The following PCDHA12 variants were observed in gnomAD, a reference collection of about 807,000 sequenced individuals.
PCDHA12 encodes the protein protocadherin alpha 12.
A neutral mutation model predicts 60.0 loss-of-function variants in PCDHA12; 44 were observed. That is an observed-to-expected ratio of 0.73 (90% CI 0.58 to 0.94). PCDHA12 has a LOEUF of 0.94. PCDHA12 is among the 40% of genes least tolerant of loss of function. The pLI, the probability that PCDHA12 is intolerant of heterozygous loss-of-function variation, is 0.00. For missense variants in PCDHA12, 1,276 were observed against 1,239.7 expected (o/e 1.03, Z -0.44); for synonymous variants, 569 against 553.0 (o/e 1.03, Z -0.40).
At chr5:140,890,747 G>C (rs2062780711) in intron 1 of PCDHA12, among the ~76,000 whole-genome samples, 1 of 152,024 alleles carries the variant, frequency 6.6e-6, no homozygotes, top group African/African-American at 2.4e-5. Context: ...TACTATTTCT[G>C]TCATGCTTTA....
chr5:140,952,334 A>G (rs1585456390), intron 1 of PCDHA12, among the ~76,000 whole-genome samples: 1 of 103,312 alleles, frequency 9.7e-6, no homozygotes, highest in East Asian at 2.9e-4. Context: ...GTGAAACTCC[A>G]TCTCAAAAAA....
intron 1 of PCDHA12, among the ~76,000 whole-genome samples, chr5:140,932,569 C>T (rs58622542): frequency 0.013 from 2,018 of 151,826 alleles, 38 homozygotes; most frequent in African/African-American, 0.046. Flanking sequence ...GTAGACTTTC[C>T]CATAGGGTAA....
chr5:140,986,114 T>A (rs1465954606), intron 3 of PCDHA12, among the ~76,000 whole-genome samples: 1 of 152,168 alleles, frequency 6.6e-6, no homozygotes, highest in Non-Finnish European at 1.5e-5. Flanking sequence ...AAGATAAAGA[T>A]GCCACACTCT....
chr5:141,003,648 G>A lies in PCDHA12; in HGVS notation c.2516-5979G>A, dbSNP rs1314983871. On this transcript the variant is annotated intron_variant, in intron 3 of 3. Transcript: ENST00000398631. ...GTTTTTAAAGTAGAAGTGAAGATCTGTATGCATTTATTAAAATATATGTTG... is the reference window on the plus strand; with the variant it reads ...GTTTTTAAAGTAGAAGTGAAGATCTATATGCATTTATTAAAATATATGTTG... Among the ~76,000 whole-genome samples the A allele has an allele frequency of 3.3e-5, 5 of 152,226 alleles. No individual in the cohort carries two copies. In the South Asian group the frequency reaches 6.2e-4, roughly 19 times the overall value.
rs1464673358 is a variant in PCDHA12 at position 140,894,228 on chromosome 5, A to T, written c.2367+16389A>T. 2.6e-5 allele frequency among the ~76,000 whole-genome samples: 4 copies of T among 152,088 alleles called. No homozygotes were observed. In the South Asian group the frequency reaches 8.3e-4, roughly 31 times the overall value. ...TTATATTCTCATTTTAAAGATGTTG[A>T]ATGACAATGTAATTTTCTTTTCTTT... is the stretch of plus-strand genomic sequence containing the variant. On this transcript the variant is annotated intron_variant, in intron 1 of 3. Transcript: ENST00000398631.
At chr5:140,903,942 A>G (rs1279645269) in intron 1 of PCDHA12, among the ~76,000 whole-genome samples, 5 of 152,212 alleles carry the variant, frequency 3.3e-5, no homozygotes, top group African/African-American at 1.2e-4. Flanking sequence ...TACCTCTTAA[A>G]TACTGGAAAA....
At chr5:140,973,398 C>G (rs2096585734) in intron 1 of PCDHA12, among the ~76,000 whole-genome samples, 1 of 152,230 alleles carries the variant, frequency 6.6e-6, no homozygotes, top group East Asian at 1.9e-4. Flanking sequence ...GAAATCATAT[C>G]TATGAGCTTC....
chr5:140,894,997 T>G (rs566489828), intron 1 of PCDHA12, among the ~76,000 whole-genome samples: 15 of 152,296 alleles, frequency 9.8e-5, no homozygotes, highest in African/African-American at 3.6e-4. Flanking sequence ...TCCTTTACCC[T>G]TTTTACTTGG....
chr5:140,952,327 A>G (rs1407008388), intron 1 of PCDHA12, among the ~76,000 whole-genome samples: 2 of 134,678 alleles, frequency 1.5e-5, no homozygotes, highest in Non-Finnish European at 1.6e-5. Flanking sequence ...AACAAGAGTG[A>G]AACTCCATCT....
In PCDHA12 at chr5:141,011,714, C is replaced by G. The variant is rs2098421596; in HGVS notation, c.*1777C>G. On this transcript the variant is annotated 3_prime_UTR_variant, in exon 4 of 4. Transcript: ENST00000398631. ...TTTTGGAATGAATACTGACAATATT[C>G]CATGAGGGTGTGCAAGCACAAATTT... 1 of 153,650 alleles carries G rather than the reference C, an allele frequency of 6.5e-6. No individual in the cohort carries two copies. Among genetic ancestry groups the G allele is most frequent in the South Asian group, 2.1e-4 (1 of 4,822 alleles). 9.5% of individuals were successfully genotyped at this position (153,650 alleles called of 1,614,324 possible).
chr5:141,011,626 C>T lies in PCDHA12; in HGVS notation c.*1689C>T, dbSNP rs1340546254. 6.5e-6 allele frequency: 1 copy of T among 153,668 alleles called. No individual in the cohort carries two copies. Among genetic ancestry groups the T allele is most frequent in the Non-Finnish European group, 1.5e-5 (1 of 68,026 alleles). The allele number at this position is 153,668 out of a possible 1,614,324, so 9.5% of individuals were successfully genotyped here. On this transcript the variant is annotated 3_prime_UTR_variant, in exon 4 of 4. Transcript: ENST00000398631. Reference sequence around the variant, plus strand: ...ATTTTATTTATGGTCCAGCCAAGAGCCATCTCGTGCCAAGACTTCTGCTGG... The same window carrying T: ...ATTTTATTTATGGTCCAGCCAAGAGTCATCTCGTGCCAAGACTTCTGCTGG...
chr5:140,935,550 C>G (rs1419018426), intron 1 of PCDHA12, among the ~76,000 whole-genome samples: 2 of 152,156 alleles, frequency 1.3e-5, no homozygotes, highest in African/African-American at 4.8e-5. Flanking sequence ...TTTAAAGTAT[C>G]TTGGAAAAGT....
intron 2 of PCDHA12, among the ~76,000 whole-genome samples, chr5:140,979,721 C>T (rs2153819868): frequency 6.6e-6 from 1 of 152,290 alleles, no homozygotes; most frequent in East Asian, 1.9e-4. Context: ...GTATCCATGC[C>T]ATGGGGCCAA....
rs146952531 is a variant in PCDHA12 at position 140,951,754 on chromosome 5, G to A, written c.2368-27195G>A. Among the ~76,000 whole-genome samples the A allele has an allele frequency of 4.6e-3, 703 of 152,152 alleles. 3 individuals are homozygous for A. The highest frequency in any genetic ancestry group is 0.016 in the African/African-American group (681 of 41,502). ...TTCTGCCACTGCCCTCACCCTCCGC[G>A]AAATCTCATGACGTTCTTACATTGC... On this transcript the variant is annotated intron_variant, in intron 1 of 3. Transcript: ENST00000398631.
rs56843453 is a variant in PCDHA12 at position 141,000,391 on chromosome 5, C to A, written c.2516-9236C>A. Reference sequence around the variant, plus strand: ...TCTCTCTCTCTCTCTCTCTCTCTCTCTCTCTATATATATATATATATATAT... The same window carrying A: ...TCTCTCTCTCTCTCTCTCTCTCTCTATCTCTATATATATATATATATATAT... On this transcript the variant is annotated intron_variant, in intron 3 of 3. Transcript: ENST00000398631. Among the ~76,000 whole-genome samples the A allele has an allele frequency of 8.6e-3, 487 of 56,544 alleles. 1 individual carries two copies. Among genetic ancestry groups the A allele is most frequent in the Non-Finnish European group, 9.4e-3 (310 of 32,842 alleles). The allele number at this position is 56,544 out of a possible 152,430, so 37.1% of individuals were successfully genotyped here.
chr5:140,944,807 A>T (rs1472832230), intron 1 of PCDHA12, among the ~76,000 whole-genome samples: 1 of 152,214 alleles, frequency 6.6e-6, no homozygotes, highest in Non-Finnish European at 1.5e-5. Context: ...TCGAGGGTCC[A>T]CAGTGATCTT....
rs556197231 is a variant in PCDHA12, at chr5:140,969,709, A to C, written c.2368-9240A>C. The stretch of plus-strand genomic sequence containing the variant: ...AAATGGCCTCTGCTGTATCATCTAC[A>C]GGGAAATTTTTCTTTTGAAATCCTA... On this transcript the variant is annotated intron_variant, in intron 1 of 3. Transcript: ENST00000398631. Among the ~76,000 whole-genome samples, 11 of 152,304 alleles carry C rather than the reference A, an allele frequency of 7.2e-5. No individual in the cohort carries two copies. The East Asian group carries it at 1.5e-3, about 21-fold the overall frequency.
chr5:140,997,668 T>TTGTGTGTGTGTGTGTG (rs35184029), intron 3 of PCDHA12, among the ~76,000 whole-genome samples: 13 of 148,244 alleles, frequency 8.8e-5, no homozygotes, highest in African/African-American at 2.2e-4. Flanking sequence ...ATTATACAGC[T>TTGTGTGTGTGTGTGTG]TGTGTGTGTG....
In PCDHA12 at chr5:140,876,390, T is replaced by C. The variant is rs782772987; in HGVS notation, c.918T>C (p.Gly306=). Residue 306 remains glycine, a synonymous_variant, in exon 1 of 4, where the codon GGT becomes GGC. Coordinates refer to ENST00000398631, the MANE Select transcript of PCDHA12 (RefSeq NM_018903.4). Reference sequence around the variant, plus strand: ...ACACAGGTGAAATTAGAATTTATGGTGAACTGGATTTTGAAGAGAATAATG... The same window carrying C: ...ACACAGGTGAAATTAGAATTTATGGCGAACTGGATTTTGAAGAGAATAATG... ...NPDTGEIRIY[G]ELDFEENNAY... 1.2e-6 allele frequency: 2 copies of C among 1,613,902 alleles called. No individual in the cohort carries two copies. Among genetic ancestry groups the C allele is most frequent in the African/African-American group, 1.3e-5 (1 of 75,036 alleles).
Sources: gnomAD v4.1 joint callset for allele counts (sites outside exome capture counted in the v4.1 genomes callset) on GRCh38, gnomAD v4.1.1 for gene constraint, MANE v1.5 for transcripts, NCBI Gene and HGNC (gene_info 2026-07-23, HGNC 2026-07-21) for gene names.